NKAIN3: variants seen among roughly 807,000 people sequenced by gnomAD.
NKAIN3 encodes sodium/potassium transporting ATPase interacting 3, also known as sodium/potassium-transporting ATPase subunit beta-1-interacting protein 3.
A neutral mutation model predicts 30.2 loss-of-function variants in NKAIN3; 25 were observed. The observed-to-expected ratio is 0.83, with a 90% CI of 0.60 to 1.16. The LOEUF (loss-of-function observed/expected upper bound fraction) is 1.16. NKAIN3 is among the 50% of genes most tolerant of loss of function. The pLI is 0.00. For missense variants in NKAIN3, 225 were observed against 254.1 expected (o/e 0.89, Z 0.78); for synonymous variants, 91 against 89.6 (o/e 1.02, Z -0.09).
At chr8:62,479,088 T>C (rs1007745194) in intron 1 of NKAIN3, among the ~76,000 whole-genome samples, 1 of 152,166 alleles carries the variant, frequency 6.6e-6, no homozygotes, top group Admixed American at 6.5e-5. Flanking sequence ...GCTAGCCTCA[T>C]GAGGCCATAA....
At chr8:62,400,331 C>G (rs527962800) in intron 1 of NKAIN3, among the ~76,000 whole-genome samples, 9 of 151,906 alleles carry the variant, frequency 5.9e-5, no homozygotes, top group African/African-American at 2.2e-4. Flanking sequence ...ACCACCATGC[C>G]CAGCTAATTT....
chr8:62,956,622 C>A (rs2130899915), intron 6 of NKAIN3, among the ~76,000 whole-genome samples: 2 of 152,208 alleles, frequency 1.3e-5, no homozygotes, highest in East Asian at 3.9e-4. Context: ...TGGATTTGGT[C>A]TCTCATGTTT....
intron 4 of NKAIN3, among the ~76,000 whole-genome samples, chr8:62,766,242 G>A (rs1053621424): frequency 2.0e-5 from 3 of 152,100 alleles, no homozygotes; most frequent in South Asian, 2.1e-4. Flanking sequence ...ATCAAGTAAC[G>A]TAATAACTAC....
downstream of NKAIN3, among the ~76,000 whole-genome samples, chr8:62,985,238 T>G (rs1037697157): frequency 3.8e-4 from 58 of 152,324 alleles, no homozygotes; most frequent in African/African-American, 1.2e-3. Context: ...ACCCTGCCTC[T>G]TCCCAAAACA....
intron 1 of NKAIN3, among the ~76,000 whole-genome samples, chr8:62,333,839 G>C (rs1815437326): frequency 6.6e-6 from 1 of 152,004 alleles, no homozygotes; most frequent in Admixed American, 6.6e-5. Flanking sequence ...AATAATTACA[G>C]TTATCCATCA....
At chr8:62,396,004 T>A (rs1817748380) in intron 1 of NKAIN3, among the ~76,000 whole-genome samples, 1 of 152,164 alleles carries the variant, frequency 6.6e-6, no homozygotes, top group Admixed American at 6.5e-5. Flanking sequence ...GCTACCAGAA[T>A]TATAGAAATG....
chr8:62,345,531 A>G (rs1013303525), intron 1 of NKAIN3, among the ~76,000 whole-genome samples: 5 of 113,194 alleles, frequency 4.4e-5, no homozygotes, highest in Middle Eastern at 4.2e-3. Flanking sequence ...ATGTATATAT[A>G]CACACATATA....
At chr8:62,585,098 C>T (rs76638661) in intron 2 of NKAIN3, among the ~76,000 whole-genome samples, 3,183 of 152,224 alleles carry the variant, frequency 0.021, 60 homozygotes, top group Non-Finnish European at 0.03. Flanking sequence ...CAATGTACTG[C>T]CTTGCTTATC....
chr8:62,249,457 C>T (rs1310346549), intron 1 of NKAIN3, among the ~76,000 whole-genome samples: 1 of 152,262 alleles, frequency 6.6e-6, no homozygotes, highest in East Asian at 1.9e-4. Flanking sequence ...GATCCGATAC[C>T]TGGTTTAGCA....
At chr8:62,469,322 A>C (rs1181175226) in intron 1 of NKAIN3, among the ~76,000 whole-genome samples, 3 of 152,230 alleles carry the variant, frequency 2.0e-5, no homozygotes, top group African/African-American at 7.2e-5. Flanking sequence ...TTAAAAAACA[A>C]TGTATGAAAC....
intron 4 of NKAIN3, among the ~76,000 whole-genome samples, chr8:62,897,527 G>A (rs1278156888): frequency 1.3e-5 from 2 of 152,112 alleles, no homozygotes; most frequent in Non-Finnish European, 2.9e-5. Context: ...GCCCTAATGA[G>A]TTAACCTCAC....
chr8:62,508,086 A>T (rs1427422296), intron 1 of NKAIN3, among the ~76,000 whole-genome samples: 1 of 152,186 alleles, frequency 6.6e-6, no homozygotes, highest in Non-Finnish European at 1.5e-5. Flanking sequence ...ATAATTCTTT[A>T]TATGTCCCGT....
At chr8:62,929,180 T>C (rs1201311411) in intron 5 of NKAIN3, among the ~76,000 whole-genome samples, 3 of 152,158 alleles carry the variant, frequency 2.0e-5, no homozygotes, top group Admixed American at 1.3e-4. Flanking sequence ...AGAAGCAGCT[T>C]CATACCAAAT....
intron 4 of NKAIN3, among the ~76,000 whole-genome samples, chr8:62,765,415 C>A (rs1007223535): frequency 6.6e-6 from 1 of 152,174 alleles, no homozygotes; most frequent in African/African-American, 2.4e-5. Flanking sequence ...GTACTTCCTT[C>A]AGCCCCTCTA....
chr8:62,498,433 C>A (rs1049371875), intron 1 of NKAIN3, among the ~76,000 whole-genome samples: 1 of 152,032 alleles, frequency 6.6e-6, no homozygotes, highest in Admixed American at 6.6e-5. Flanking sequence ...ACATTCAGCA[C>A]CATATTGCTT....
intron 5 of NKAIN3, 31 bp from the exon 6 acceptor site, chr8:62,953,871 C>T (rs1037913076): frequency 1.3e-4 from 98 of 739,882 alleles, no homozygotes; most frequent in Non-Finnish European, 1.5e-4. Flanking sequence ...TTTTTACACA[C>T]TTATTCATAT....
intron 1 of NKAIN3, among the ~76,000 whole-genome samples, chr8:62,354,881 G>C (rs1173266006): frequency 6.6e-6 from 1 of 152,180 alleles, no homozygotes; most frequent in Admixed American, 6.5e-5. Context: ...CAGGAGGAGA[G>C]CCCTGCACTT....
intron 1 of NKAIN3, among the ~76,000 whole-genome samples, chr8:62,326,112 A>T (rs1815115857): frequency 1.3e-5 from 2 of 152,016 alleles, no homozygotes; most frequent in Admixed American, 1.3e-4. Flanking sequence ...TAAAGATAAA[A>T]ATGTATTTAA....
intron 4 of NKAIN3, among the ~76,000 whole-genome samples, chr8:62,828,663 T>A (rs906074991): frequency 3.9e-5 from 6 of 152,168 alleles, no homozygotes; most frequent in African/African-American, 1.2e-4. Flanking sequence ...GTGATTGCTT[T>A]GACAAATGGA....
Sources: allele counts gnomAD v4.1 joint callset (sites outside exome capture counted in the v4.1 genomes callset), GRCh38; gene constraint gnomAD v4.1.1; transcripts MANE v1.5; gene names NCBI Gene and HGNC (gene_info 2026-07-23, HGNC 2026-07-21).